Variants in GPHN observed in about 807,000 individuals in gnomAD.
GPHN encodes gephyrin.
Under a neutral mutation model 95.5 loss-of-function variants are expected in GPHN, and 17 were observed. That is an observed-to-expected ratio of 0.18 (90% CI 0.12 to 0.27). The LOEUF is 0.27. Among genes scored for constraint, GPHN ranks in the 10% least tolerant of loss-of-function variants. The probability of loss-of-function intolerance (pLI) is 1.00; values close to 1 mark genes in which losing one functional copy is unlikely to be tolerated. For synonymous variants in GPHN, 320 were observed against 322.5 expected (o/e 0.99, Z 0.08); for missense variants, 660 against 978.1 (o/e 0.67, Z 4.34).
At chr14:67,533,896 A>G in the GPHN span, among the ~76,000 whole-genome samples, 1 of 152,150 alleles carries the variant, frequency 6.6e-6, no homozygotes, top group African/African-American at 2.4e-5. Context: ...ATTGTGTCCT[A>G]GGAGTCTTAG....
At chr14:67,106,358 A>C (rs1414056343) in intron 13 of GPHN, among the ~76,000 whole-genome samples, 1 of 152,158 alleles carries the variant, frequency 6.6e-6, no homozygotes, top group African/African-American at 2.4e-5. Flanking sequence ...AGACTTGGGA[A>C]GTTTTCAGCT....
the GPHN span, chr14:67,303,561 A>G: frequency 3.7e-6 from 6 of 1,613,884 alleles, no homozygotes; most frequent in Non-Finnish European, 5.1e-6. Context: ...CCTGATTCCC[A>G]GTCAACAGAT....
chr14:67,204,633 G>GCTCTGCAC, the GPHN span: 1 of 1,613,876 alleles, frequency 6.2e-7, no homozygotes, highest in South Asian at 1.1e-5. Context: ...ACTACTTACA[G>GCTCTGCAC]CTCTGCACCT....
the GPHN span, among the ~76,000 whole-genome samples, chr14:67,351,911 C>CCAAAAAAAAAAAAAA: frequency 7.8e-6 from 1 of 128,118 alleles, no homozygotes; most frequent in African/African-American, 3.2e-5. Context: ...GAACCTCTAC[C>CCAAAAAAAAAAAAAA]AAAAAAAAAA....
At chr14:67,179,321 G>A (rs775752615) in intron 21 of GPHN, among the ~76,000 whole-genome samples, 23 of 152,190 alleles carry the variant, frequency 1.5e-4, no homozygotes, top group Non-Finnish European at 3.1e-4. Context: ...AGGAGGTCAA[G>A]GCTGCAGTGA....
chr14:67,578,704 A>C, the GPHN span: 2 of 951,274 alleles, frequency 2.1e-6, no homozygotes, highest in East Asian at 5.2e-5. The surrounding 1 kb of genome is among the most constrained non-coding windows in gnomAD (Gnocchi z 5.0). Context: ...GGATGAGAGG[A>C]GTCTAGGGCA....
At chr14:66,831,717 C>T (rs1268747283) in intron 4 of GPHN, among the ~76,000 whole-genome samples, 1 of 152,190 alleles carries the variant, frequency 6.6e-6, no homozygotes, top group Non-Finnish European at 1.5e-5. Flanking sequence ...GCTAAATTAG[C>T]TGATGCCTAC....
intron 4 of GPHN, among the ~76,000 whole-genome samples, chr14:66,856,346 A>AT (rs1035813716): frequency 2.9e-4 from 44 of 152,146 alleles, no homozygotes; most frequent in African/African-American, 1.1e-3. Flanking sequence ...GAAAATTCAT[A>AT]TGCTAGTGTT....
chr14:67,193,120 CTA>C, the GPHN span, among the ~76,000 whole-genome samples: 1 of 143,002 alleles, frequency 7.0e-6, no homozygotes, highest in African/African-American at 2.5e-5. Context: ...AGATATCTCT[CTA>C]TATATCTCTA....
At chr14:67,395,560 T>C in the GPHN span, 2 of 1,614,090 alleles carry the variant, frequency 1.2e-6, no homozygotes, top group Admixed American at 1.7e-5. Flanking sequence ...CCGTGGATGT[T>C]TGAGTCTTCA....
chr14:66,557,541 T>A (rs1249478230), intron 1 of GPHN, among the ~76,000 whole-genome samples: 1 of 152,198 alleles, frequency 6.6e-6, no homozygotes. Flanking sequence ...TAAGAAATAT[T>A]CCCTTTTAAG....
chr14:67,052,464 AC>A (rs1446077083), intron 10 of GPHN, among the ~76,000 whole-genome samples: 6 of 152,150 alleles, frequency 3.9e-5, no homozygotes, highest in African/African-American at 1.4e-4. Context: ...GTTCTTAGAG[AC>A]CTACAAAGAG....
At chr14:67,561,902 A>G in the GPHN span, 4 of 1,326,146 alleles carry the variant, frequency 3.0e-6, no homozygotes, top group Admixed American at 3.6e-5. Context: ...GAAAAAATAC[A>G]TCTAAACCTG....
chr14:67,552,174 C>T, the GPHN span, among the ~76,000 whole-genome samples: 7 of 152,208 alleles, frequency 4.6e-5, no homozygotes, highest in Non-Finnish European at 1.0e-4. Context: ...AGATCCCTGT[C>T]AGCCACCTAA....
chr14:66,747,851 A>G (rs887445702), intron 2 of GPHN, among the ~76,000 whole-genome samples: 2 of 152,100 alleles, frequency 1.3e-5, no homozygotes, highest in African/African-American at 2.4e-5. Context: ...AAATGAACAC[A>G]TGAAATTTTT....
At chr14:67,674,549 C>T in the GPHN span, 17 of 1,456,096 alleles carry the variant, frequency 1.2e-5, no homozygotes, top group Middle Eastern at 2.5e-4. Context: ...CCTTTCCTAG[C>T]CCGGCGGTCA....
intron 1 of GPHN, among the ~76,000 whole-genome samples, chr14:66,600,906 A>G (rs914954843): frequency 1.3e-5 from 2 of 152,072 alleles, no homozygotes; most frequent in Non-Finnish European, 2.9e-5. Flanking sequence ...ATTATTGCCA[A>G]AGTGCTACGA....
At chr14:66,720,932 C>A (rs1595684574) in intron 2 of GPHN, among the ~76,000 whole-genome samples, 1 of 152,126 alleles carries the variant, frequency 6.6e-6, no homozygotes, top group South Asian at 2.1e-4. Flanking sequence ...AGAGAAAATG[C>A]TTTTCTTAAA....
chr14:67,684,268 G>A, the GPHN span, among the ~76,000 whole-genome samples: 1 of 152,004 alleles, frequency 6.6e-6, no homozygotes, highest in African/African-American at 2.4e-5. Flanking sequence ...AAAATTTCAG[G>A]TCATTTCAAC....
Sources: gnomAD v4.1 joint callset for allele counts (sites outside exome capture counted in the v4.1 genomes callset) on GRCh38, gnomAD v4.1.1 for gene constraint, Gnocchi (gnomAD v3.1) non-coding constraint, MANE v1.5 for transcripts, NCBI Gene and HGNC (gene_info 2026-07-23, HGNC 2026-07-21) for gene names.